The following AMPD3 variants were observed in gnomAD, a reference collection of about 807,000 sequenced individuals.
AMPD3 encodes adenosine monophosphate deaminase 3.
Under a neutral mutation model 82.3 loss-of-function variants are expected in AMPD3, and 57 were observed. The observed-to-expected ratio is 0.69, with a 90% CI of 0.56 to 0.86. AMPD3 has a LOEUF of 0.86. Among genes scored for constraint, AMPD3 ranks in the 40% least tolerant of loss-of-function variants. The probability of loss-of-function intolerance (pLI) is 0.00; values close to 1 mark genes in which losing one functional copy is unlikely to be tolerated. For synonymous variants in AMPD3, 381 were observed against 394.7 expected (o/e 0.97, Z 0.41); for missense variants, 870 against 1,003.8 (o/e 0.87, Z 1.80).
intron 1 of AMPD3, among the ~76,000 whole-genome samples, chr11:10,458,033 G>C (rs1401739273): frequency 1.3e-5 from 2 of 152,128 alleles, no homozygotes; most frequent in African/African-American, 4.8e-5. Context: ...GGTCAGGCCT[G>C]TGTGTGTCTG....
At chr11:10,464,499 T>C (rs1848362086) in intron 2 of AMPD3, among the ~76,000 whole-genome samples, 1 of 152,186 alleles carries the variant, frequency 6.6e-6, no homozygotes, top group South Asian at 2.1e-4. Flanking sequence ...TTCGGTTCCC[T>C]GGTCTGTAGA....
At chr11:10,470,843 T>C (rs748429060) in intron 2 of AMPD3, among the ~76,000 whole-genome samples, 3 of 152,206 alleles carry the variant, frequency 2.0e-5, no homozygotes, top group Non-Finnish European at 2.9e-5. Flanking sequence ...CATTCCATGC[T>C]CATGGATAGG....
In AMPD3 at chr11:10,485,013, C is replaced by T. The variant is rs1849025466; in HGVS notation, c.783C>T (p.Ile261=). 2 of 1,613,750 alleles carry T rather than the reference C, an allele frequency of 1.2e-6. No homozygotes were observed. The highest frequency in any genetic ancestry group is 1.3e-5 in the African/African-American group (1 of 74,906). ...LETYTVDMSH[I]LALITDGPTK... Reference sequence around the variant, plus strand: ...CCTACACGGTGGACATGAGCCACATCCTGGCTCTCATCACCGATGGCCCCA... The same window carrying T: ...CCTACACGGTGGACATGAGCCACATTCTGGCTCTCATCACCGATGGCCCCA... The change falls in exon 5 of 15, where the codon ATC becomes ATT. Residue 261 remains isoleucine (I), a synonymous_variant. Transcript: ENST00000396553.
intron 6 of AMPD3, among the ~76,000 whole-genome samples, chr11:10,489,628 A>G (rs560130620): frequency 5.9e-5 from 9 of 151,768 alleles, no homozygotes; most frequent in Non-Finnish European, 1.3e-4. Flanking sequence ...CAGGTCTGCT[A>G]TGAGTCAGGT....
intron 10 of AMPD3, chr11:10,499,832 A>C (rs926840130): frequency 3.5e-5 from 34 of 985,318 alleles, no homozygotes; most frequent in Non-Finnish European, 4.1e-5. Context: ...CCACCACCAC[A>C]CAGGGGCTTG....
Position 10,493,540 on chromosome 11 carries a change from C to A in AMPD3, c.1131C>A (p.His377Gln), listed in dbSNP as rs76407515. The change falls in exon 7 of 15, where the codon CAC (histidine) becomes CAA (glutamine). Residue 377 changes from histidine (H) to glutamine (Q), a missense_variant. His to Gln is a conservative substitution (Grantham distance 24). Transcript: ENST00000396553. Reference sequence around the variant, plus strand: ...TCACTGTGGACTCACTGGATGTCCACGCGGTGAGTGAGCTTCTGCTCCAGT... The same window carrying A: ...TCACTGTGGACTCACTGGATGTCCAAGCGGTGAGTGAGCTTCTGCTCCAGT... ...YDLTVDSLDVHAGRQTFHRFD... is the reference protein window; with the variant it reads ...YDLTVDSLDVQAGRQTFHRFD... 1 of 1,613,858 alleles carries A rather than the reference C, an allele frequency of 6.2e-7. No individual in the cohort carries two copies.
chr11:10,483,351 G>A (rs1350214408), intron 4 of AMPD3, among the ~76,000 whole-genome samples: 4 of 152,186 alleles, frequency 2.6e-5, no homozygotes, highest in African/African-American at 7.2e-5. Context: ...GACCCTGGCT[G>A]CCTCTGGGGG....
At chr11:10,454,963 C>G (rs1000599613), upstream of AMPD3, among the ~76,000 whole-genome samples, 10 of 148,552 alleles carry the variant, frequency 6.7e-5, no homozygotes, top group African/African-American at 2.5e-4. Context: ...CTCTGGGTAG[C>G]TAAAGCCCAG....
chr11:10,487,252 G>C lies in AMPD3; in HGVS notation c.827G>C (p.Arg276Pro), dbSNP rs1337058314. ...TDGPTKTYCHRRLNFLESKFS... is the reference protein window; with the variant it reads ...TDGPTKTYCHPRLNFLESKFS... ...ACTTGCAGGAAAACCTATTGTCACC[G>C]GCGACTGAACTTTCTGGAATCCAAG... is the stretch of plus-strand genomic sequence containing the variant. The change falls in exon 6 of 15, where the codon CGG becomes CCG. Residue 276 changes from arginine (R) to proline (P), a missense_variant. By Grantham distance (103) the Arg-to-Pro change is moderately radical. Coordinates refer to ENST00000396553, the MANE Select transcript of AMPD3 (RefSeq NM_001025389.2). The C allele has an allele frequency of 6.2e-7, 1 of 1,614,022 alleles. No individual in the cohort carries two copies. The highest frequency in any genetic ancestry group is 1.3e-5 in the African/African-American group (1 of 74,910).
rs541856884 is a variant in AMPD3 at position 10,498,373 on chromosome 11, G to C, written c.1557+1435G>C. 3 of 153,674 alleles carry C rather than the reference G, an allele frequency of 2.0e-5. No homozygotes were observed. The East Asian group carries it at 5.8e-4, about 30-fold the overall frequency. 9.5% of individuals were successfully genotyped at this position (153,674 alleles called of 1,614,324 possible). ...AATGGAGGAAGAGCAGGTATGGGGAGGAGGAGGAAGAGCAGGAGGAGGAGA... is the reference window on the plus strand; with the variant it reads ...AATGGAGGAAGAGCAGGTATGGGGACGAGGAGGAAGAGCAGGAGGAGGAGA... On this transcript the variant is annotated intron_variant, in intron 10 of 14. Transcript: ENST00000396553.
chr11:10,489,506 A>C (rs1278370455), intron 6 of AMPD3, among the ~76,000 whole-genome samples: 1 of 152,132 alleles, frequency 6.6e-6, no homozygotes, highest in East Asian at 1.9e-4. Context: ...GCCTATCCCC[A>C]GGGTTCTCCT....
At chr11:10,485,737 G>A (rs545427042) in intron 5 of AMPD3, among the ~76,000 whole-genome samples, 1 of 141,418 alleles carries the variant, frequency 7.1e-6, no homozygotes, top group Non-Finnish European at 1.6e-5. Flanking sequence ...GGTTTCTGGA[G>A]GGGAGCATGC....
intron 10 of AMPD3, chr11:10,497,546 G>T (rs1317377489): frequency 2.0e-6 from 2 of 984,012 alleles, no homozygotes; most frequent in Non-Finnish European, 2.4e-6. Flanking sequence ...GCCTGGTGAT[G>T]GATGACTTTC....
chr11:10,500,654 A>G (rs936092822), intron 11 of AMPD3: 9 of 985,404 alleles, frequency 9.1e-6, no homozygotes, highest in Non-Finnish European at 1.1e-5. Flanking sequence ...CACACCAACA[A>G]TGTCCACACG....
chr11:10,488,335 G>A, intron 6 of AMPD3: 1 of 985,458 alleles, frequency 1.0e-6, no homozygotes, highest in South Asian at 4.7e-5. Context: ...TGGCTTTGAG[G>A]GAGAGGCCAG....
chr11:10,488,079 A>T, intron 6 of AMPD3: 1 of 339,176 alleles, frequency 2.9e-6, no homozygotes, highest in Non-Finnish European at 4.2e-6. Context: ...ATGTGGATTT[A>T]AAGAAAAGCC....
intron 1 of AMPD3, 123 bp from the exon 2 acceptor site, chr11:10,461,392 A>G: frequency 6.3e-7 from 1 of 1,599,926 alleles, no homozygotes; most frequent in Non-Finnish European, 8.5e-7. Flanking sequence ...GGTCTGGGGC[A>G]TTCCTAAGTA....
At chr11:10,481,361 C>T in intron 3 of AMPD3, 1 of 847,584 alleles carries the variant, frequency 1.2e-6, no homozygotes. Flanking sequence ...TGCTCATCGC[C>T]TTCAGGGATA....
intron 6 of AMPD3, among the ~76,000 whole-genome samples, chr11:10,492,698 C>T (rs990760483): frequency 6.6e-6 from 1 of 152,084 alleles, no homozygotes; most frequent in African/African-American, 2.4e-5. Flanking sequence ...CTAGTGAAAG[C>T]GTAGACACAC....
Sources: gnomAD v4.1 joint callset for allele counts (sites outside exome capture counted in the v4.1 genomes callset) on GRCh38, gnomAD v4.1.1 for gene constraint, MANE v1.5 for transcripts, NCBI Gene and HGNC (gene_info 2026-07-23, HGNC 2026-07-21) for gene names.